Variants in CAST observed in about 807,000 individuals in gnomAD.
CAST encodes the protein MIR583 host.
A neutral mutation model predicts 119.6 loss-of-function variants in CAST; 76 were observed. The observed-to-expected ratio is 0.64, with a 90% CI of 0.53 to 0.77. The LOEUF is 0.77. Ranked by LOEUF, CAST falls within the 30% of genes least tolerant of loss-of-function variation. CAST has a pLI of 0.00. For missense variants in CAST, 953 were observed against 946.5 expected (o/e 1.01, Z -0.09); for synonymous variants, 319 against 331.6 (o/e 0.96, Z 0.41).
At chr5:96,741,446 T>C in intron 14 of CAST, 48 bp from the exon 15 acceptor site, 1 of 1,524,124 alleles carries the variant, frequency 6.6e-7, no homozygotes, top group Non-Finnish European at 9.1e-7. Flanking sequence ...CTATTACAGT[T>C]AAACTTTCCT....
In CAST at chr5:96,704,709, T is replaced by C. The variant is rs112287040; in HGVS notation, c.210+8802T>C. 3.9e-3 allele frequency among the ~76,000 whole-genome samples: 592 copies of C among 152,374 alleles called. 10 individuals are homozygous for C. Among genetic ancestry groups the C allele is most frequent in the South Asian group, 0.033 (158 of 4,828 alleles). ...TCATACGAATCTGGGATATCTGTTT[T>C]AGCATTGGTGTGTCTAACCTCATAA... On this transcript the variant is annotated intron_variant, in intron 3 of 31. Transcript: ENST00000675179.
chr5:95,999,085 T>C, the CAST span, among the ~76,000 whole-genome samples: 1 of 152,130 alleles, frequency 6.6e-6, no homozygotes, highest in Non-Finnish European at 1.5e-5. Flanking sequence ...GAGTAATCAG[T>C]TTAAGAACAT....
the CAST span, among the ~76,000 whole-genome samples, chr5:96,237,748 TA>T: frequency 6.6e-6 from 1 of 152,226 alleles, no homozygotes; most frequent in Admixed American, 6.5e-5. Context: ...TTTTAACAAT[TA>T]AAAAAATCTA....
In CAST at chr5:96,641,564, A is replaced by T. The variant is rs1747950324; in HGVS notation, c.61-33975A>T. ...TTGATGGTTTCCCAATGCCAAGAGG[A>T]TGGAGTTTAGACCCTTACGACCTCA... On this transcript the variant is annotated intron_variant, in intron 1 of 11. Coordinates refer to the CAST transcript ENST00000505143. Among the ~76,000 whole-genome samples, 8 of 152,096 alleles carry T rather than the reference A, an allele frequency of 5.3e-5. No individual in the cohort carries two copies. In the South Asian group the frequency reaches 1.7e-3, roughly 32 times the overall value.
chr5:96,193,738 G>A, the CAST span, among the ~76,000 whole-genome samples: 9 of 152,190 alleles, frequency 5.9e-5, no homozygotes, highest in Admixed American at 1.3e-4. Flanking sequence ...AAGCTAGATC[G>A]TTTGGATTGG....
At chr5:96,687,598 G>T (rs1752229484) in intron 2 of CAST, among the ~76,000 whole-genome samples, 1 of 152,032 alleles carries the variant, frequency 6.6e-6, no homozygotes, top group African/African-American at 2.4e-5. Flanking sequence ...GTATTTTTGG[G>T]CTCTCTCTTT....
the CAST span, among the ~76,000 whole-genome samples, chr5:96,407,344 G>A: frequency 1.3e-5 from 2 of 152,164 alleles, no homozygotes; most frequent in African/African-American, 4.8e-5. Flanking sequence ...TGAAGGGTAT[G>A]AAATATTGAG....
At chr5:96,336,144 G>A in the CAST span, among the ~76,000 whole-genome samples, 2 of 152,124 alleles carry the variant, frequency 1.3e-5, no homozygotes, top group Non-Finnish European at 2.9e-5. Flanking sequence ...CTTTCCTGGG[G>A]CTGTCCCTTG....
At chr5:96,325,725 C>G in the CAST span, among the ~76,000 whole-genome samples, 1 of 152,154 alleles carries the variant, frequency 6.6e-6, no homozygotes, top group African/African-American at 2.4e-5. Context: ...AATAATCTGC[C>G]TGTCTTGGCT....
chr5:96,238,347 A>ATCT, the CAST span, among the ~76,000 whole-genome samples: 7 of 120,868 alleles, frequency 5.8e-5, no homozygotes, highest in East Asian at 4.9e-4. Flanking sequence ...CTTCTTCTTC[A>ATCT]TCTTCATCTT....
At chr5:95,979,056 T>G in the CAST span, among the ~76,000 whole-genome samples, 1 of 152,184 alleles carries the variant, frequency 6.6e-6, no homozygotes, top group Admixed American at 6.5e-5. Context: ...TCCAAGTGGT[T>G]CATATTAAAG....
chr5:96,685,084 A>T (rs189804204), intron 2 of CAST, among the ~76,000 whole-genome samples: 1 of 151,566 alleles, frequency 6.6e-6, no homozygotes, highest in African/African-American at 2.4e-5. Flanking sequence ...ATTATATCAT[A>T]CAATAATAAT....
At chr5:96,703,898 C>A (rs746660914) in intron 3 of CAST, among the ~76,000 whole-genome samples, 27 of 152,200 alleles carry the variant, frequency 1.8e-4, no homozygotes, top group Non-Finnish European at 2.8e-4. Context: ...TAGATTGCTT[C>A]TTTCTGATGA....
intron 1 of CAST, among the ~76,000 whole-genome samples, chr5:96,565,017 T>G (rs1450572697): frequency 6.6e-6 from 1 of 151,964 alleles, no homozygotes; most frequent in Admixed American, 6.6e-5. Context: ...TAATTAAAAT[T>G]CTAGGTAGAT....
intron 1 of CAST, among the ~76,000 whole-genome samples, chr5:96,563,364 G>A (rs530779636): frequency 2.3e-4 from 35 of 151,954 alleles, no homozygotes; most frequent in Admixed American, 5.2e-4. Context: ...TGAGTAGGAG[G>A]AAAAATATTT....
intron 1 of CAST, among the ~76,000 whole-genome samples, chr5:96,533,591 T>C (rs548083299): frequency 2.6e-5 from 4 of 152,170 alleles, no homozygotes; most frequent in Non-Finnish European, 5.9e-5. Flanking sequence ...AAATTGCAGA[T>C]ACTTTAGCAA....
chr5:96,522,232 G>A (rs1365155978), upstream of CAST, among the ~76,000 whole-genome samples: 2 of 152,132 alleles, frequency 1.3e-5, no homozygotes, highest in African/African-American at 2.4e-5. Flanking sequence ...TACTTTTATT[G>A]TCAAGCGCCT....
intron 1 of CAST, among the ~76,000 whole-genome samples, chr5:96,605,040 G>A (rs1561428096): frequency 1.3e-5 from 2 of 152,166 alleles, no homozygotes; most frequent in Non-Finnish European, 2.9e-5. Context: ...GTGATAAGGA[G>A]AGGGAAGGAG....
At chr5:96,436,264 G>T in the CAST span, among the ~76,000 whole-genome samples, 1 of 152,198 alleles carries the variant, frequency 6.6e-6, no homozygotes, top group African/African-American at 2.4e-5. Context: ...AACAATATTT[G>T]TGTGGCACAC....
Sources: allele counts gnomAD v4.1 joint callset (sites outside exome capture counted in the v4.1 genomes callset), GRCh38; gene constraint gnomAD v4.1.1; transcripts MANE v1.5; gene names NCBI Gene and HGNC (gene_info 2026-07-23, HGNC 2026-07-21).